CYLC2: variants seen among roughly 807,000 people sequenced by gnomAD.
CYLC2 encodes the protein cylicin 2, also known as cylicin-2.
CYLC2 carries 30 observed loss-of-function variants against 26.1 expected under a neutral mutation model. The ratio of observed to expected loss-of-function variants is 1.15; its 90% CI spans 0.86 to 1.56. CYLC2 has a LOEUF of 1.56. Among genes scored for constraint, CYLC2 ranks in the 40% most tolerant of loss-of-function variants. The pLI, the probability that CYLC2 is intolerant of heterozygous loss-of-function variation, is 0.00. For missense variants in CYLC2, 498 were observed against 394.4 expected, an observed-to-expected ratio of 1.26 and a Z score of -2.23; for synonymous variants, 158 against 132.8, an observed-to-expected ratio of 1.19 and a Z score of -1.31.
intron 7 of CYLC2, among the ~76,000 whole-genome samples, 160 bp from the exon 8 acceptor site, chr9:103,018,165 T>C (rs566554009): frequency 6.6e-6 from 1 of 152,158 alleles, no homozygotes; most frequent in Admixed American, 6.6e-5. Flanking sequence ...CATTTTTTGG[T>C]AGAAACTCTA....
In CYLC2 at chr9:103,005,816, G is replaced by C; in HGVS notation, c.*138G>C. 1 of 948,078 alleles carries C rather than the reference G, an allele frequency of 1.1e-6. No homozygotes were observed. Among genetic ancestry groups the C allele is most frequent in the Non-Finnish European group, 1.6e-6 (1 of 632,736 alleles). The allele number at this position is 948,078 out of a possible 1,614,324, so 58.7% of individuals were successfully genotyped here. A position where few individuals can be genotyped will look rare whatever the true frequency, so the allele number is the denominator to read the frequency against. ...TAATTTTTAAAAGGTGGTAAAGAAG[G>C]ATACAAAGGAGAACTCAGCAGAGAT... On this transcript the variant is annotated 3_prime_UTR_variant, in exon 5 of 8. Coordinates refer to ENST00000374798, the MANE Select transcript of CYLC2 (RefSeq NM_001340.5).
At chr9:103,012,141 A>G (rs1008647088) in intron 6 of CYLC2, 44 bp downstream of exon 6, 2 of 151,544 alleles carry the variant, frequency 1.3e-5, no homozygotes, top group African/African-American at 4.8e-5. Context: ...GTTTTGTTTT[A>G]GTAGAGATGT....
At chr9:102,996,978 G>C (rs1021235803) in intron 1 of CYLC2, among the ~76,000 whole-genome samples, 4 of 151,886 alleles carry the variant, frequency 2.6e-5, no homozygotes, top group Non-Finnish European at 4.4e-5. Context: ...TTTGGTGTGA[G>C]ATAGGGTATC....
intron 6 of CYLC2, among the ~76,000 whole-genome samples, chr9:103,013,345 A>AATATATATTTATATATTATAT (rs1564100471): frequency 3.0e-4 from 5 of 16,628 alleles, no homozygotes; most frequent in East Asian, 6.1e-3. Context: ...TATATTATAT[A>AATATATATTTATATATTATAT]AATATATATT....
intron 1 of CYLC2, among the ~76,000 whole-genome samples, chr9:102,997,447 C>T (rs1467165207): frequency 3.3e-5 from 5 of 151,938 alleles, no homozygotes; most frequent in Non-Finnish European, 2.9e-5. Context: ...AATCTTACTA[C>T]ACACAGAGCC....
intron 2 of CYLC2, among the ~76,000 whole-genome samples, chr9:103,002,544 G>A (rs144772634): frequency 4.8e-4 from 73 of 151,622 alleles, no homozygotes; most frequent in African/African-American, 1.6e-3. Context: ...AGTAGAGACG[G>A]GGTTTCACCG....
intron 1 of CYLC2, among the ~76,000 whole-genome samples, chr9:102,999,100 A>G (rs1829263894): frequency 6.6e-6 from 1 of 151,660 alleles, no homozygotes; most frequent in African/African-American, 2.4e-5. Context: ...CTTTCTGTGG[A>G]CTTTTGTTTT....
Position 103,006,017 on chromosome 9 carries a change from G to GACACACACAC in CYLC2, c.*385_*394dup, listed in dbSNP as rs201304746. 3,471 of 119,912 alleles carry GACACACACAC rather than the reference G, an allele frequency of 0.029. 163 individuals carry two copies. The highest frequency in any genetic ancestry group is 0.036 in the Non-Finnish European group (2,139 of 59,970). 7.4% of individuals were successfully genotyped at this position (119,912 alleles called of 1,614,324 possible). On this transcript the variant is annotated 3_prime_UTR_variant, in exon 5 of 8. Coordinates refer to ENST00000374798, the MANE Select transcript of CYLC2 (RefSeq NM_001340.5). ...TGAAGATAATGACACTAAATCTATG[G>GACACACACAC]ACACACACACACACACACACACACA...
At position 103,004,836 on chromosome 9, in the gene CYLC2, G is replaced by A; in HGVS notation, c.322G>A (p.Asp108Asn). The A allele has an allele frequency of 6.2e-7, 1 of 1,609,882 alleles. No individual in the cohort carries two copies. The highest frequency in any genetic ancestry group is 1.1e-5 in the South Asian group (1 of 89,934). Residue 108 changes from aspartate to asparagine, a missense_variant, in exon 4 of 8, where the codon GAT (aspartate) becomes AAT (asparagine). Physicochemically the swap from Asp to Asn is conservative, Grantham distance 23. Transcript: ENST00000374798. ...PLKPTRTVEV[D>N]SKAAEIGKKG... ...CAAACCAACTCGTACTGTCGAGGTG[G>A]ATTCTAAAGCAGCAGGTAGAGATAA...
intron 1 of CYLC2, among the ~76,000 whole-genome samples, chr9:102,996,038 A>G (rs921006999): frequency 6.6e-6 from 1 of 151,950 alleles, no homozygotes; most frequent in African/African-American, 2.4e-5. Flanking sequence ...ACCCTTTTAC[A>G]GAGGACATGC....
chr9:103,012,714 C>T (rs1327050194), intron 6 of CYLC2, among the ~76,000 whole-genome samples: 1 of 151,708 alleles, frequency 6.6e-6, no homozygotes, highest in Non-Finnish European at 1.5e-5. Flanking sequence ...TAAACAGAAA[C>T]GTACTCCAGG....
In CYLC2 at chr9:103,005,646, GA is replaced by G; in HGVS notation, c.1019del (p.Lys340ArgfsTer16). ...KDAKKNAKKD[E>X]KKDAKKKGK is the part of the protein sequence containing the mutation. ...TGCAAAGAAGAATGCAAAGAAGGAT[GA>G]AAAGAAGGATGCAAAGAAGAAGGGC... On this transcript the variant is annotated frameshift_variant, in exon 5 of 8. Coordinates refer to ENST00000374798, the MANE Select transcript of CYLC2 (RefSeq NM_001340.5). LOFTEE classifies it low-confidence loss of function (END_TRUNC). 1 of 1,611,660 alleles carries G rather than the reference GA, an allele frequency of 6.2e-7. No individual in the cohort carries two copies. Among genetic ancestry groups the G allele is most frequent in the Non-Finnish European group, 8.5e-7 (1 of 1,179,302 alleles).
In CYLC2 at chr9:103,004,764, A is replaced by G. The variant is rs1829321828; in HGVS notation, c.250A>G (p.Ile84Val). 1 of 1,612,298 alleles carries G rather than the reference A, an allele frequency of 6.2e-7. No homozygotes were observed. The change falls in exon 4 of 8, where the codon ATT becomes GTT. Residue 84 changes from isoleucine (I) to valine (V), a missense_variant. Coordinates refer to ENST00000374798, the MANE Select transcript of CYLC2 (RefSeq NM_001340.5). ...ATGGATGTACCGTTCTTTAATGAGA[A>G]TTTCTGAGAGACCATCTGTTTATTT... ...PLWMYRSLMR[I>V]SERPSVYLAA...
intron 2 of CYLC2, among the ~76,000 whole-genome samples, chr9:103,002,305 C>T (rs980900985): frequency 2.7e-5 from 4 of 148,748 alleles, no homozygotes; most frequent in African/African-American, 7.4e-5. Flanking sequence ...TTTTCCTTTA[C>T]AAAATATGTC....
intron 3 of CYLC2, 89 bp from the exon 4 acceptor site, chr9:103,004,605 TG>T (rs1829319805): frequency 2.2e-5 from 20 of 895,630 alleles, no homozygotes; most frequent in Non-Finnish European, 3.0e-5. Flanking sequence ...AATCTTTTTA[TG>T]GTTGAAATTA....
chr9:103,010,739 T>A (rs1438578695), intron 5 of CYLC2: 1 of 152,104 alleles, frequency 6.6e-6, no homozygotes, highest in Admixed American at 6.6e-5. Context: ...GTTCTATTCA[T>A]AATTGCTCAC....
At position 103,005,020 on chromosome 9, in the gene CYLC2, C is replaced by T. The variant is rs770475064; in HGVS notation, c.389C>T (p.Ser130Leu). The T allele has an allele frequency of 3.3e-5, 52 of 1,592,268 alleles. No homozygotes were observed. The highest frequency in any genetic ancestry group is 2.6e-4 in the Admixed American group (14 of 52,952). ...DKTTQKDTTD[S>L]ESELKQGKKD... ...ACAACACAGAAGGACACAACAGATTCGGAATCAGAATTAAAACAAGGAAAA... is the reference window on the plus strand; with the variant it reads ...ACAACACAGAAGGACACAACAGATTTGGAATCAGAATTAAAACAAGGAAAA... Residue 130 changes from serine to leucine, a missense_variant, in exon 5 of 8, where the codon TCG becomes TTG. Transcript: ENST00000374798.
intron 5 of CYLC2, among the ~76,000 whole-genome samples, chr9:103,009,880 TACAA>T (rs967041050): frequency 6.6e-6 from 1 of 151,340 alleles, no homozygotes; most frequent in African/African-American, 2.4e-5. Flanking sequence ...ATCACATATA[TACAA>T]ACATACATAT....
intron 6 of CYLC2, among the ~76,000 whole-genome samples, chr9:103,014,495 T>C (rs1252252057): frequency 1.4e-5 from 2 of 141,058 alleles, no homozygotes; most frequent in Non-Finnish European, 3.1e-5. Context: ...TTATGCAATA[T>C]ACATAATATA....
Sources: allele counts gnomAD v4.1 joint callset (sites outside exome capture counted in the v4.1 genomes callset), GRCh38; gene constraint gnomAD v4.1.1; transcripts MANE v1.5; gene names NCBI Gene and HGNC (gene_info 2026-07-23, HGNC 2026-07-21).